Variants in MKS1 observed in about 807,000 individuals in gnomAD.
MKS1 encodes tectonic-like complex member MKS1.
A neutral mutation model predicts 83.7 loss-of-function variants in MKS1; 70 were observed. That is an observed-to-expected ratio of 0.84 (90% CI 0.69 to 1.02). The LOEUF (loss-of-function observed/expected upper bound fraction) is 1.02, where lower values mean the gene tolerates loss of function less well. MKS1 is among the 50% of genes least tolerant of loss of function. MKS1 has a pLI of 0.00. For missense variants in MKS1, 681 were observed against 726.9 expected, an observed-to-expected ratio of 0.94 and a Z score of 0.73; for synonymous variants, 251 against 273.4, an observed-to-expected ratio of 0.92 and a Z score of 0.81.
chr17:58,218,497 A>T, intron 2 of MKS1, 123 bp downstream of exon 2: 2 of 450,124 alleles, frequency 4.4e-6, no homozygotes, highest in Non-Finnish European at 8.9e-6. Context: ...AATAGAATGT[A>T]GGTTGCCGGG....
In MKS1 at chr17:58,206,389, A is replaced by T; in HGVS notation, c.1491-9T>A. ...TCGATTCCATGAAGGCCCTGCAGGG[A>T]GGCCAGCCACATGGTTACGGCTGTC... On this transcript the variant is annotated splice_polypyrimidine_tract_variant and intron_variant, in intron 16 of 17. Transcript: ENST00000393119. 2 of 1,614,034 alleles carry T rather than the reference A, an allele frequency of 1.2e-6. No individual in the cohort carries two copies. The highest frequency in any genetic ancestry group is 1.7e-6 in the Non-Finnish European group (2 of 1,179,980).
At chr17:58,218,578 C>A in intron 2 of MKS1, 42 bp downstream of exon 2, 2 of 1,328,014 alleles carry the variant, frequency 1.5e-6, no homozygotes, top group South Asian at 2.3e-5. Flanking sequence ...TGATTAGTAT[C>A]ATAATTAGTA....
chr17:58,206,874 T>C lies in MKS1; in HGVS notation c.1407+211A>G, dbSNP rs115121445. ...ATGGGAACCAGGGGAAATCTCTAATTATACTATTTTCCAGAGACCTCCTAC... is the reference window on the plus strand; with the variant it reads ...ATGGGAACCAGGGGAAATCTCTAATCATACTATTTTCCAGAGACCTCCTAC... On this transcript the variant is annotated intron_variant, in intron 15 of 17. Transcript: ENST00000393119. 1.7e-3 allele frequency: 1,152 copies of C among 676,310 alleles called. 16 individuals are homozygous for C. Among genetic ancestry groups the C allele is most frequent in the African/African-American group, 0.017 (929 of 55,344 alleles). 41.9% of individuals were successfully genotyped at this position (676,310 alleles called of 1,614,324 possible). A position where few individuals can be genotyped will look rare whatever the true frequency, so the allele number is the denominator to read the frequency against.
At position 58,209,969 on chromosome 17, in the gene MKS1, C is replaced by T. The variant is rs561708382; in HGVS notation, c.1024+690G>A. ...TTCACAACAGCTTTTGAAGACAGAA[C>T]GGACAGGAACTGTTGACAGATTGGC... On this transcript the variant is annotated intron_variant, in intron 11 of 17. Coordinates refer to ENST00000393119, the MANE Select transcript of MKS1 (RefSeq NM_017777.4). The surrounding 1 kb of genome is among the most constrained non-coding windows in gnomAD (Gnocchi z 4.1). Among the ~76,000 whole-genome samples the T allele has an allele frequency of 3.1e-4, 47 of 152,180 alleles. No individual in the cohort carries two copies. The highest frequency in any genetic ancestry group is 3.4e-3 in the Middle Eastern group (1 of 294).
intron 2 of MKS1, among the ~76,000 whole-genome samples, chr17:58,217,525 C>G (rs1029094663): frequency 2.0e-5 from 3 of 152,180 alleles, no homozygotes; most frequent in Non-Finnish European, 4.4e-5. Flanking sequence ...AGAACCAAAT[C>G]TGGCTGAATG....
rs1006760371 is a variant in MKS1 at position 58,205,538 on chromosome 17, C to T, written c.*541G>A. 14 of 1,303,822 alleles carry T rather than the reference C, an allele frequency of 1.1e-5. No homozygotes were observed. Among genetic ancestry groups the T allele is most frequent in the African/African-American group, 1.5e-5 (1 of 65,840 alleles). 80.8% of individuals were successfully genotyped at this position (1,303,822 alleles called of 1,614,324 possible). On this transcript the variant is annotated 3_prime_UTR_variant, in exon 18 of 18. Transcript: ENST00000393119. ...CCCAGCTAGCAGAAAGGACTCAGCACTGCCTTCAGCCTTCACTTACTCAGA... is the reference window on the plus strand; with the variant it reads ...CCCAGCTAGCAGAAAGGACTCAGCATTGCCTTCAGCCTTCACTTACTCAGA...
In MKS1 at chr17:58,214,395, A is replaced by T. The variant is rs777400998; in HGVS notation, c.516-8T>A. The T allele has an allele frequency of 3.1e-6, 5 of 1,612,660 alleles. No individual in the cohort carries two copies. The highest frequency in any genetic ancestry group is 8.5e-7 in the Non-Finnish European group (1 of 1,180,018). On this transcript the variant is annotated splice_region_variant and splice_polypyrimidine_tract_variant and intron_variant, in intron 5 of 17. Transcript: ENST00000393119. ...TTGAGGATGCCGCCCTCCCTGGGAG[A>T]CACCACAGAAAGGTCACTTCCCTGG... is the stretch of plus-strand genomic sequence containing the variant.
chr17:58,206,386 G>A lies in MKS1; in HGVS notation c.1491-6C>T. On this transcript the variant is annotated splice_region_variant and splice_polypyrimidine_tract_variant and intron_variant, in intron 16 of 17. Transcript: ENST00000393119. ...AGCTCGATTCCATGAAGGCCCTGCA[G>A]GGAGGCCAGCCACATGGTTACGGCT... The A allele has an allele frequency of 6.2e-7, 1 of 1,614,110 alleles. No individual in the cohort carries two copies. The highest frequency in any genetic ancestry group is 8.5e-7 in the Non-Finnish European group (1 of 1,179,992).
chr17:58,205,502 A>G lies in MKS1; in HGVS notation c.*577T>C. The G allele has an allele frequency of 7.8e-7, 1 of 1,274,842 alleles. No individual in the cohort carries two copies. Among genetic ancestry groups the G allele is most frequent in the Non-Finnish European group, 1.0e-6 (1 of 978,782 alleles). 79.0% of individuals were successfully genotyped at this position (1,274,842 alleles called of 1,614,324 possible). ...AAACAAACAAACAAAAAAACACAGTAAAAGATACCACCCAGCTAGCAGAAA... is the reference window on the plus strand; with the variant it reads ...AAACAAACAAACAAAAAAACACAGTGAAAGATACCACCCAGCTAGCAGAAA... On this transcript the variant is annotated 3_prime_UTR_variant, in exon 18 of 18. Transcript: ENST00000393119.
intron 2 of MKS1, among the ~76,000 whole-genome samples, chr17:58,218,170 C>T (rs533208493): frequency 9.9e-5 from 15 of 152,184 alleles, no homozygotes; most frequent in South Asian, 2.1e-4. Context: ...ACAAATAGGA[C>T]GGGCGCGGTG....
chr17:58,208,284 G>T, intron 12 of MKS1, 110 bp from the exon 13 acceptor site: 1 of 1,088,652 alleles, frequency 9.2e-7, no homozygotes, highest in Non-Finnish European at 1.4e-6. Flanking sequence ...TATCACCCAG[G>T]TGGGAAATAG....
At position 58,216,198 on chromosome 17, in the gene MKS1, A is replaced by G. The variant is rs1969199099; in HGVS notation, c.307T>C (p.Leu103=). 1.2e-6 allele frequency: 2 copies of G among 1,613,932 alleles called. No individual in the cohort carries two copies. The highest frequency in any genetic ancestry group is 1.7e-5 in the Admixed American group (1 of 60,000). ...YQNETACQSP[L]DYQYRQEILK... ...ATCTCCTGACGGTACTGATAATCCAAAGGACTCTGACAGGCTGTTTCATTT... is the reference window on the plus strand; with the variant it reads ...ATCTCCTGACGGTACTGATAATCCAGAGGACTCTGACAGGCTGTTTCATTT... Residue 103 remains leucine (L), a synonymous_variant, in exon 4 of 18, where the codon TTG becomes CTG. Coordinates refer to ENST00000393119, the MANE Select transcript of MKS1 (RefSeq NM_017777.4).
chr17:58,214,992 T>C, intron 4 of MKS1, 154 bp from the exon 5 acceptor site: 4 of 1,222,158 alleles, frequency 3.3e-6, no homozygotes, highest in South Asian at 2.7e-5. Flanking sequence ...GAGGGAGCAG[T>C]AGCCAAACAA....
chr17:58,206,617 AC>A (rs1464950225), intron 15 of MKS1, 70 bp from the exon 16 acceptor site: 1 of 1,430,312 alleles, frequency 7.0e-7, no homozygotes, highest in Non-Finnish European at 9.7e-7. Flanking sequence ...TGCTGGCCTC[AC>A]CCCCATTCTT....
At chr17:58,217,266 G>A (rs1969274740) in intron 2 of MKS1, among the ~76,000 whole-genome samples, 1 of 152,256 alleles carries the variant, frequency 6.6e-6, no homozygotes, top group Non-Finnish European at 1.5e-5. Context: ...TGGGATTACA[G>A]GCGTGGGCCA....
At position 58,218,732 on chromosome 17, in the gene MKS1, G is replaced by T. The variant is rs1204016081; in HGVS notation, c.81-3C>A. On this transcript the variant is annotated splice_region_variant and splice_polypyrimidine_tract_variant and intron_variant, in intron 1 of 17. Coordinates refer to ENST00000393119, the MANE Select transcript of MKS1 (RefSeq NM_017777.4). ...ATGTGATTCTTTGCAGGTGGACTCTGTCAAGAAAAGCCCAAAATATTCGTT... is the reference window on the plus strand; with the variant it reads ...ATGTGATTCTTTGCAGGTGGACTCTTTCAAGAAAAGCCCAAAATATTCGTT... 20 of 1,610,470 alleles carry T rather than the reference G, an allele frequency of 1.2e-5. No homozygotes were observed. The highest frequency in any genetic ancestry group is 1.6e-5 in the Non-Finnish European group (19 of 1,176,892).
chr17:58,212,520 G>T (rs1968933840), intron 8 of MKS1, 86 bp from the exon 9 acceptor site: 3 of 1,440,526 alleles, frequency 2.1e-6, no homozygotes, highest in African/African-American at 2.8e-5. Flanking sequence ...AAAAGCAATA[G>T]TGGGAAGGGT....
At position 58,205,629 on chromosome 17, in the gene MKS1, G is replaced by A. The variant is rs1192740231; in HGVS notation, c.*450C>T. ...AATGAGGCTTCCCTGGAAAGAGGCT[G>A]AGACTCACAGGCTGGGGATTTAAGA... On this transcript the variant is annotated 3_prime_UTR_variant, in exon 18 of 18. Coordinates refer to ENST00000393119, the MANE Select transcript of MKS1 (RefSeq NM_017777.4). 2 of 1,306,974 alleles carry A rather than the reference G, an allele frequency of 1.5e-6. No individual in the cohort carries two copies. Among genetic ancestry groups the A allele is most frequent in the Non-Finnish European group, 1.0e-6 (1 of 990,852 alleles). The allele number at this position is 1,306,974 out of a possible 1,614,324, so 81.0% of individuals were successfully genotyped here.
rs373843986 is a variant in MKS1 at position 58,206,342 on chromosome 17, C to T, written c.1529G>A (p.Arg510Gln). ...CCCTTCCAGACGGTCCAACACACTC[C>T]GCATCCTTTTCTGAAGGGAGCTCGA... ...MESSSLQKRM[R>Q]SVLDRLEGFS... Residue 510 changes from arginine to glutamine, a missense_variant, in exon 17 of 18, where the codon CGG (arginine) becomes CAG (glutamine). Physicochemically the swap from Arg to Gln is conservative, Grantham distance 43. Around this residue, in one of 3 missense-constraint regions of MKS1, gnomAD observed 310 missense variants for 321.7 expected, o/e 0.96. Transcript: ENST00000393119. The T allele has an allele frequency of 1.7e-5, 28 of 1,613,940 alleles. No individual in the cohort carries two copies. In the Middle Eastern group the frequency reaches 2.3e-3, roughly 133 times the overall value.
Sources: gnomAD v4.1 joint callset for allele counts (sites outside exome capture counted in the v4.1 genomes callset) on GRCh38, gnomAD v4.1.1 for gene constraint, gnomAD v4.1.1 regional missense constraint, Gnocchi (gnomAD v3.1) non-coding constraint, MANE v1.5 for transcripts, NCBI Gene and HGNC (gene_info 2026-07-23, HGNC 2026-07-21) for gene names.